Variants in COPS3 observed in about 807,000 individuals in gnomAD.
COPS3 encodes COP9 signalosome subunit 3, also known as COP9 signalosome complex subunit 3.
In COPS3, 10 loss-of-function variants were observed where a neutral mutation model predicts 58.2. That is an observed-to-expected ratio of 0.17 (90% CI 0.11 to 0.29). The LOEUF (loss-of-function observed/expected upper bound fraction) is 0.29, where lower values mean the gene tolerates loss of function less well. Among genes scored for constraint, COPS3 ranks in the 10% least tolerant of loss-of-function variants. The pLI is 1.00. For synonymous variants in COPS3, 187 were observed against 181.7 expected (o/e 1.03, Z -0.24); for missense variants, 333 against 510.1 (o/e 0.65, Z 3.34).
At chr17:17,273,802 T>C (rs930208164) in intron 2 of COPS3, among the ~76,000 whole-genome samples, 3 of 152,214 alleles carry the variant, frequency 2.0e-5, no homozygotes, top group African/African-American at 7.2e-5. Context: ...CAGTGAGCTG[T>C]GCTCATGCCA....
At position 17,261,921 on chromosome 17, in the gene COPS3, C is replaced by T. The variant is rs147736279; in HGVS notation, c.762+45G>A. On this transcript the variant is annotated intron_variant, in intron 7 of 11. Coordinates refer to ENST00000268717, the MANE Select transcript of COPS3 (RefSeq NM_003653.4). ...TGTATCATTGCAATTTCTTTATATA[C>T]TCAACATGCTCACGTAAGAAATCAG... 2.9e-4 allele frequency: 437 copies of T among 1,514,350 alleles called. 2 individuals are homozygous for T. The East Asian group carries it at 8.8e-3, about 30-fold the overall frequency. The allele number at this position is 1,514,350 out of a possible 1,614,324, so 93.8% of individuals were successfully genotyped here.
intron 4 of COPS3, among the ~76,000 whole-genome samples, chr17:17,268,491 A>G (rs780353406): frequency 3.5e-4 from 54 of 152,188 alleles, no homozygotes; most frequent in Non-Finnish European, 1.6e-4. Context: ...AGTGTCAAGT[A>G]AGGCATAATC....
At chr17:17,250,977 C>G (rs2047829879) in intron 9 of COPS3, among the ~76,000 whole-genome samples, 1 of 152,112 alleles carries the variant, frequency 6.6e-6, no homozygotes, top group Non-Finnish European at 1.5e-5. Context: ...TGGAAACAAC[C>G]CCAATGTCTA....
intron 1 of COPS3, chr17:17,280,574 G>C (rs182377746): frequency 7.8e-6 from 10 of 1,286,226 alleles, no homozygotes; most frequent in Admixed American, 7.2e-5. Context: ...GGAGTCCTAC[G>C]AGCGAGAGCT....
chr17:17,264,696 T>C, intron 6 of COPS3, 106 bp downstream of exon 6: 2 of 869,008 alleles, frequency 2.3e-6, no homozygotes, highest in Non-Finnish European at 3.6e-6. Flanking sequence ...GACCAACACC[T>C]GAAACGGAGG....
chr17:17,260,253 G>GC, intron 8 of COPS3, 48 bp downstream of exon 8: 1 of 1,571,978 alleles, frequency 6.4e-7, no homozygotes, highest in Non-Finnish European at 8.7e-7. Flanking sequence ...GGGAAACATG[G>GC]CCCCCAGGGG....
chr17:17,253,858 A>G (rs1455043865), intron 9 of COPS3, among the ~76,000 whole-genome samples: 1 of 152,092 alleles, frequency 6.6e-6, no homozygotes, highest in Admixed American at 6.6e-5. Flanking sequence ...ATATGTAAAT[A>G]TAGCCGCCTG....
chr17:17,276,163 C>T lies in COPS3; in HGVS notation c.57G>A (p.Gly19=). ...TCAGTTCACAAAGCTGTGTCATTTG[C>T]CCTGGAAAACAGGAACAACACTATT... is the stretch of plus-strand genomic sequence containing the variant. ...VNSVRQLSAQ[G]QMTQLCELIN... The change falls in exon 2 of 12, where the codon GGG becomes GGA. Residue 19 remains glycine, a splice_region_variant and synonymous_variant. Transcript: ENST00000268717. 1 of 1,613,668 alleles carries T rather than the reference C, an allele frequency of 6.2e-7. No homozygotes were observed. The highest frequency in any genetic ancestry group is 8.5e-7 in the Non-Finnish European group (1 of 1,179,730).
chr17:17,261,471 A>T (rs550446307), intron 7 of COPS3: 43 of 250,238 alleles, frequency 1.7e-4, no homozygotes, highest in Admixed American at 1.6e-3. Flanking sequence ...GGTTGCAGTG[A>T]GCTGAGATCA....
rs975679902 is a variant in COPS3, at chr17:17,281,228, G to A, written c.-42C>T. On this transcript the variant is annotated 5_prime_UTR_variant, in exon 1 of 12. Transcript: ENST00000268717. ...CCCGAGCGGCGAAGGCAGCACGCGC[G>A]GGAAAAGGCTGCCGCTCTGGGAGGA... is the stretch of plus-strand genomic sequence containing the variant. 1.9e-6 allele frequency: 3 copies of A among 1,590,768 alleles called. No homozygotes were observed. Among genetic ancestry groups the A allele is most frequent in the South Asian group, 1.1e-5 (1 of 88,182 alleles).
chr17:17,254,324 A>C (rs1369998744), intron 9 of COPS3, among the ~76,000 whole-genome samples: 1 of 151,676 alleles, frequency 6.6e-6, no homozygotes, highest in Non-Finnish European at 1.5e-5. Flanking sequence ...AAAAAAAGGA[A>C]GCACAAATAG....
intron 8 of COPS3, among the ~76,000 whole-genome samples, chr17:17,255,345 G>A (rs1022048527): frequency 1.3e-5 from 2 of 151,810 alleles, no homozygotes; most frequent in Non-Finnish European, 2.9e-5. Flanking sequence ...AGGCGTGGTG[G>A]CATGCGTCTG....
intron 1 of COPS3, chr17:17,280,810 G>A: frequency 7.3e-6 from 9 of 1,238,584 alleles, no homozygotes; most frequent in Admixed American, 3.6e-5. Flanking sequence ...ACCAATAGTC[G>A]CCCGAGATGG....
chr17:17,259,901 A>AG (rs1009479379), intron 8 of COPS3, among the ~76,000 whole-genome samples: 17 of 14,940 alleles, frequency 1.1e-3, no homozygotes, highest in East Asian at 9.1e-3. Flanking sequence ...GTCAAGAGAG[A>AG]AAAAAAAAAA....
chr17:17,260,574 C>T (rs961551148), intron 7 of COPS3, 100 bp from the exon 8 acceptor site: 52 of 1,118,592 alleles, frequency 4.6e-5, no homozygotes, highest in Admixed American at 8.0e-5. Flanking sequence ...GAGGCCGAGG[C>T]GGACAAATCA....
chr17:17,263,296 A>G (rs2048146687), intron 6 of COPS3, among the ~76,000 whole-genome samples: 1 of 151,468 alleles, frequency 6.6e-6, no homozygotes, highest in Admixed American at 6.6e-5. Flanking sequence ...TCAAAAAAAA[A>G]AAAAAGAGAT....
intron 2 of COPS3, among the ~76,000 whole-genome samples, chr17:17,273,522 C>T (rs1324096244): frequency 6.6e-6 from 1 of 151,990 alleles, no homozygotes; most frequent in Admixed American, 6.6e-5. Context: ...TGTTTGAGAC[C>T]AGCCTGGGAA....
intron 1 of COPS3, chr17:17,280,447 C>T (rs2048552216): frequency 1.4e-6 from 1 of 703,538 alleles, no homozygotes; most frequent in Non-Finnish European, 1.9e-6. Context: ...GTAATCTCAG[C>T]TACTCGGGAG....
chr17:17,275,460 G>A (rs2048441766), intron 2 of COPS3, among the ~76,000 whole-genome samples: 1 of 152,116 alleles, frequency 6.6e-6, no homozygotes, highest in African/African-American at 2.4e-5. Flanking sequence ...CGCGACCTTG[G>A]CTCACTGCAA....
Sources: gnomAD v4.1 joint callset for allele counts (sites outside exome capture counted in the v4.1 genomes callset) on GRCh38, gnomAD v4.1.1 for gene constraint, MANE v1.5 for transcripts, NCBI Gene and HGNC (gene_info 2026-07-23, HGNC 2026-07-21) for gene names.